The following DAB1 variants were observed in gnomAD, a reference collection of about 807,000 sequenced individuals.
DAB1 encodes the protein DAB adaptor protein 1, also known as disabled homolog 1.
In DAB1, 15 loss-of-function variants were observed where a neutral mutation model predicts 64.6. The observed-to-expected ratio is 0.23, with a 90% confidence interval of 0.16 to 0.36. The LOEUF is 0.36. DAB1 is among the 10% of genes least tolerant of loss of function. DAB1 has a pLI of 1.00. For missense variants in DAB1, 596 were observed against 706.7 expected (o/e 0.84, Z 1.78); for synonymous variants, 235 against 251.9 (o/e 0.93, Z 0.64).
chr1:57,422,292 C>A (rs1404200622), intron 1 of DAB1, among the ~76,000 whole-genome samples: 2 of 152,192 alleles, frequency 1.3e-5, no homozygotes, highest in Admixed American at 6.5e-5. Flanking sequence ...GAGGAAGAAA[C>A]GACGGCGCGG....
chr1:57,655,951 C>T (rs1646313538), intron 6 of DAB1, among the ~76,000 whole-genome samples: 1 of 152,168 alleles, frequency 6.6e-6, no homozygotes, highest in East Asian at 1.9e-4. Context: ...GTTTGTGACT[C>T]TCCACCCCTG....
chr1:57,263,540 T>A (rs953911908), intron 2 of DAB1, among the ~76,000 whole-genome samples: 7 of 152,176 alleles, frequency 4.6e-5, no homozygotes, highest in African/African-American at 1.4e-4. Context: ...ATAGCCCCAA[T>A]GGTGGCTGTG....
At chr1:57,335,754 T>C (rs1430675205) in intron 1 of DAB1, among the ~76,000 whole-genome samples, 1 of 152,220 alleles carries the variant, frequency 6.6e-6, no homozygotes, top group Non-Finnish European at 1.5e-5. Flanking sequence ...ATCCACATAG[T>C]GTAGATACCA....
At position 57,072,423 on chromosome 1, in the gene DAB1, G is replaced by GAA; in HGVS notation, c.307-11_307-10dup. The GAA allele has an allele frequency of 6.3e-7, 1 of 1,595,794 alleles. No individual in the cohort carries two copies. The highest frequency in any genetic ancestry group is 1.8e-5 in the Admixed American group (1 of 55,578). ...TGATGATGCTGAAGGGCCTATCAGAGAAAAAAAAGGAAGAACATATTTCAG... is the reference window on the plus strand; with the variant it reads ...TGATGATGCTGAAGGGCCTATCAGAGAAAAAAAAAAGGAAGAACATATTTCAG... On this transcript the variant is annotated splice_polypyrimidine_tract_variant and intron_variant, in intron 4 of 14. Transcript: ENST00000371236.
rs376361709 is a variant in DAB1 at position 57,262,978 on chromosome 1, A to G, written c.67+27986T>C. ...TGGCAAACATTAAGGGTGTGGTGGTATAAGGGGCTATCTTCCCTCAAGGAG... is the reference window on the plus strand; with the variant it reads ...TGGCAAACATTAAGGGTGTGGTGGTGTAAGGGGCTATCTTCCCTCAAGGAG... On this transcript the variant is annotated intron_variant, in intron 2 of 14. Coordinates refer to ENST00000371236, the MANE Select transcript of DAB1 (RefSeq NM_001365792.1). Among the ~76,000 whole-genome samples the G allele has an allele frequency of 6.1e-4, 93 of 152,328 alleles. 1 individual carries two copies. The South Asian group carries it at 0.017, about 27-fold the overall frequency.
At chr1:57,610,866 A>G (rs1359402527) in intron 7 of DAB1, among the ~76,000 whole-genome samples, 1 of 152,220 alleles carries the variant, frequency 6.6e-6, no homozygotes, top group Non-Finnish European at 1.5e-5. Context: ...GCGGGGACAC[A>G]GCCAAACCAT....
At chr1:57,076,122 A>T (rs980855104) in intron 4 of DAB1, among the ~76,000 whole-genome samples, 2 of 152,178 alleles carry the variant, frequency 1.3e-5, no homozygotes, top group Non-Finnish European at 2.9e-5. Flanking sequence ...AGCCAGAGGC[A>T]GAAAGGTGAG....
At chr1:58,102,513 C>T (rs926711748) in intron 5 of DAB1, among the ~76,000 whole-genome samples, 5 of 152,100 alleles carry the variant, frequency 3.3e-5, no homozygotes, top group Non-Finnish European at 5.9e-5. Flanking sequence ...ATTTTCTAAT[C>T]CAGAGATGGT....
intron 5 of DAB1, among the ~76,000 whole-genome samples, chr1:58,073,678 T>G (rs66864104): frequency 0.11 from 16,259 of 152,244 alleles, 1,171 homozygotes; most frequent in Non-Finnish European, 0.17. Context: ...CTAGGGAATT[T>G]TAAAGTGGGA....
At chr1:57,740,511 TG>T (rs1570784494) in intron 6 of DAB1, among the ~76,000 whole-genome samples, 1 of 152,212 alleles carries the variant, frequency 6.6e-6, no homozygotes, top group East Asian at 1.9e-4. Context: ...AACATTAAAG[TG>T]TCCAGTTCAG....
chr1:57,942,009 A>T (rs1336300184), intron 5 of DAB1, among the ~76,000 whole-genome samples: 1 of 152,152 alleles, frequency 6.6e-6, no homozygotes, highest in Non-Finnish European at 1.5e-5. Flanking sequence ...GAAAAAGTCA[A>T]GTGTTTCAAT....
intron 1 of DAB1, chr1:58,530,656 C>G: frequency 1.1e-6 from 1 of 872,792 alleles, no homozygotes; most frequent in Admixed American, 1.7e-5. Context: ...ATCTCGAGGA[C>G]AAATGGCCCA....
intron 7 of DAB1, among the ~76,000 whole-genome samples, chr1:57,630,233 A>C (rs1346709126): frequency 6.6e-6 from 1 of 152,194 alleles, no homozygotes; most frequent in Admixed American, 6.5e-5. Flanking sequence ...CAATTGTCTT[A>C]AGTTTTCACA....
chr1:58,294,642 T>G (rs1161289129), intron 4 of DAB1, among the ~76,000 whole-genome samples: 1 of 152,062 alleles, frequency 6.6e-6, no homozygotes, highest in African/African-American at 2.4e-5. Context: ...AAATATATCA[T>G]AATCATGATA....
chr1:57,014,963 T>A lies in DAB1; in HGVS notation c.1364A>T (p.Asp455Val). The part of the protein sequence containing the change: ...SYFNKVGVAQ[D>V]TDDCDDFDIS... ...GTCAAAGTCATCACAGTCGTCTGTA[T>A]CCTGTGCCACCCCGACTTTGTTGAA... Residue 455 changes from aspartate (D) to valine (V), a missense_variant, in exon 12 of 15, where the codon GAT becomes GTT. Asp to Val is a radical substitution (Grantham distance 152). Around this residue, in one of 3 missense-constraint regions of DAB1, gnomAD observed 377 missense variants for 400.4 expected, o/e 0.94. Coordinates refer to ENST00000371236, the MANE Select transcript of DAB1 (RefSeq NM_001365792.1). The A allele has an allele frequency of 6.2e-7, 1 of 1,613,894 alleles. No homozygotes were observed. Among genetic ancestry groups the A allele is most frequent in the East Asian group, 2.2e-5 (1 of 44,866 alleles).
chr1:57,780,025 T>A (rs1247845677), intron 6 of DAB1, among the ~76,000 whole-genome samples: 1 of 152,180 alleles, frequency 6.6e-6, no homozygotes, highest in African/African-American at 2.4e-5. Flanking sequence ...GAAAAAGTCG[T>A]ACTTAATTAA....
chr1:57,937,632 C>T (rs566115212), intron 5 of DAB1, among the ~76,000 whole-genome samples: 3 of 152,196 alleles, frequency 2.0e-5, no homozygotes, highest in Admixed American at 2.0e-4. Context: ...TTTATAAAGC[C>T]CCTAGCCACT....
At chr1:57,658,093 TA>T (rs1558582853) in intron 6 of DAB1, among the ~76,000 whole-genome samples, 1 of 152,152 alleles carries the variant, frequency 6.6e-6, no homozygotes, top group African/African-American at 2.4e-5. Flanking sequence ...AGGATAGAGA[TA>T]AGTACTGGCT....
intron 4 of DAB1, among the ~76,000 whole-genome samples, chr1:58,244,806 G>A (rs563593012): frequency 5.9e-5 from 9 of 152,250 alleles, no homozygotes; most frequent in African/African-American, 1.4e-4. Flanking sequence ...TCCTAGGATC[G>A]TTAGGAGGAT....
Sources: allele counts gnomAD v4.1 joint callset (sites outside exome capture counted in the v4.1 genomes callset), GRCh38; gene constraint gnomAD v4.1.1; regional missense constraint gnomAD v4.1.1; transcripts MANE v1.5; gene names NCBI Gene and HGNC (gene_info 2026-07-23, HGNC 2026-07-21).